The following IL1RAPL1 variants were observed in gnomAD, a reference collection of about 807,000 sequenced individuals.
The protein encoded by IL1RAPL1 is interleukin-1 receptor accessory protein-like 1.
A neutral mutation model predicts 48.4 loss-of-function variants in IL1RAPL1; 3 were observed. That is an observed-to-expected ratio of 0.06 (90% CI 0.03 to 0.16). The LOEUF (loss-of-function observed/expected upper bound fraction) is 0.16, where lower values mean the gene tolerates loss of function less well. IL1RAPL1 is among the 10% of genes least tolerant of loss of function. The pLI is 1.00. For synonymous variants in IL1RAPL1, 185 were observed against 187.7 expected (o/e 0.99, Z 0.12); for missense variants, 349 against 530.6 (o/e 0.66, Z 3.36).
In IL1RAPL1 at chrX:29,366,070, G is replaced by T. The variant is rs771499960; in HGVS notation, c.363-30188G>T. On this transcript the variant is annotated intron_variant, in intron 3 of 10. Coordinates refer to ENST00000378993, the MANE Select transcript of IL1RAPL1 (RefSeq NM_014271.4). ...CTCAAAAAAAAAAAAAAATAGAAAT[G>T]CAAGGAAGGATATTAATTAATCAAA... Among the ~76,000 whole-genome samples, 13 of 105,363 alleles carry T rather than the reference G, an allele frequency of 1.2e-4. No homozygotes were observed. In the East Asian group the frequency reaches 3.7e-3, roughly 30 times the overall value. The allele number at this position is 105,363 out of a possible 115,157, so 91.5% of individuals were successfully genotyped here.
intron 2 of IL1RAPL1, among the ~76,000 whole-genome samples, chrX:29,061,898 C>T (rs186164995): frequency 1.8e-5 from 2 of 112,338 alleles, no homozygotes; most frequent in African/African-American, 3.2e-5. Context: ...GAAATAAAAA[C>T]TTAACCTGTG....
At chrX:29,250,823 T>C (rs1931592346) in intron 2 of IL1RAPL1, among the ~76,000 whole-genome samples, 1 of 111,558 alleles carries the variant, frequency 9.0e-6, no homozygotes, top group Non-Finnish European at 1.9e-5. Context: ...TATTACAGAA[T>C]CGTAGGACTC....
At chrX:28,666,155 G>A (rs184735614) in intron 1 of IL1RAPL1, among the ~76,000 whole-genome samples, 92 of 111,680 alleles carry the variant, frequency 8.2e-4, no homozygotes, top group Admixed American at 7.8e-3. Flanking sequence ...CTCAGAAGTC[G>A]GAAGGCGATG....
chrX:29,270,532 A>G (rs5943635), intron 2 of IL1RAPL1, among the ~76,000 whole-genome samples: 6,806 of 112,046 alleles, frequency 0.061, 213 homozygotes, highest in Non-Finnish European at 0.091. Context: ...CTAAAAGAGT[A>G]TCTTGTCTGC....
chrX:29,557,845 A>C (rs772676935), intron 5 of IL1RAPL1, among the ~76,000 whole-genome samples: 2 of 110,891 alleles, frequency 1.8e-5, no homozygotes, highest in East Asian at 5.6e-4. Flanking sequence ...AAATGGCATG[A>C]TATCCTTTTT....
chrX:28,955,635 C>G (rs1296703453), intron 2 of IL1RAPL1, among the ~76,000 whole-genome samples: 1 of 107,632 alleles, frequency 9.3e-6, no homozygotes, highest in African/African-American at 3.4e-5. Context: ...TTCCATTGAT[C>G]TAGATCTCTG....
intron 6 of IL1RAPL1, among the ~76,000 whole-genome samples, chrX:29,696,746 A>C (rs750762599): frequency 9.1e-6 from 1 of 110,429 alleles, no homozygotes; most frequent in South Asian, 3.8e-4. Flanking sequence ...CATTTCCAGC[A>C]CTCTGACCCT....
chrX:28,592,626 T>C (rs1313148272), intron 1 of IL1RAPL1, among the ~76,000 whole-genome samples: 2 of 111,990 alleles, frequency 1.8e-5, no homozygotes, highest in Non-Finnish European at 3.8e-5. Flanking sequence ...TGTATGTTTT[T>C]CAGTGACTGA....
intron 6 of IL1RAPL1, among the ~76,000 whole-genome samples, chrX:29,692,389 C>T (rs1450631610): frequency 1.8e-5 from 2 of 111,765 alleles, no homozygotes; most frequent in Non-Finnish European, 3.8e-5. Flanking sequence ...GTGCTATCTG[C>T]CAGTTGTTTG....
intron 2 of IL1RAPL1, among the ~76,000 whole-genome samples, chrX:29,047,314 T>C (rs1342109660): frequency 2.7e-5 from 3 of 111,958 alleles, no homozygotes. Context: ...CAATATGATA[T>C]CATGCAACTG....
intron 1 of IL1RAPL1, among the ~76,000 whole-genome samples, chrX:28,687,166 C>G (rs968833652): frequency 7.2e-5 from 8 of 111,076 alleles, no homozygotes; most frequent in African/African-American, 2.6e-4. Context: ...AATTATTTGT[C>G]TACTAGCTAG....
chrX:29,359,979 G>C (rs1473618773), intron 3 of IL1RAPL1, among the ~76,000 whole-genome samples: 2 of 111,042 alleles, frequency 1.8e-5, no homozygotes, highest in Non-Finnish European at 3.8e-5. Flanking sequence ...TTCAAACCCA[G>C]ATCTGTGGGA....
Position 29,508,987 on chromosome X carries a change from T to C in IL1RAPL1, c.703+109679T>C, listed in dbSNP as rs779475178. Among the ~76,000 whole-genome samples, 12 of 112,425 alleles carry C rather than the reference T, an allele frequency of 1.1e-4. No homozygotes were observed. In the South Asian group the frequency reaches 3.7e-3, roughly 34 times the overall value. On this transcript the variant is annotated intron_variant, in intron 5 of 10. Transcript: ENST00000378993. The stretch of plus-strand genomic sequence containing the variant: ...TGTTACAATAACATTTACTAAGTAC[T>C]TGCAATACCACTTTATGCCAGTCAC...
At chrX:28,967,545 C>A (rs1413282472) in intron 2 of IL1RAPL1, among the ~76,000 whole-genome samples, 1 of 111,328 alleles carries the variant, frequency 9.0e-6, no homozygotes, top group Non-Finnish European at 1.9e-5. Flanking sequence ...CTCCCCCTAA[C>A]CCTTTACCTT....
At chrX:29,633,145 C>T (rs184844790) in intron 5 of IL1RAPL1, among the ~76,000 whole-genome samples, 2 of 110,891 alleles carry the variant, frequency 1.8e-5, no homozygotes, top group Non-Finnish European at 1.9e-5. Context: ...GATACATTCA[C>T]ATAATGGAAT....
chrX:28,807,393 G>A (rs1294398538), intron 2 of IL1RAPL1, among the ~76,000 whole-genome samples: 1 of 111,510 alleles, frequency 9.0e-6, no homozygotes, highest in Non-Finnish European at 1.9e-5. Context: ...GTACAGAATA[G>A]TATTTATCAC....
rs760811097 is a variant in IL1RAPL1, at chrX:29,368,815, C to T, written c.363-27443C>T. Among the ~76,000 whole-genome samples the T allele has an allele frequency of 4.6e-5, 5 of 109,647 alleles. No homozygotes were observed. The South Asian group carries it at 2.0e-3, about 43-fold the overall frequency. ...GGATTTTAGAGTGGTTGATATGCCA[C>T]TCCTCATTTTGCCTCTTGACTGTCT... On this transcript the variant is annotated intron_variant, in intron 3 of 10. Transcript: ENST00000378993.
chrX:28,605,434 A>G (rs1357473821), intron 1 of IL1RAPL1, among the ~76,000 whole-genome samples: 2 of 111,273 alleles, frequency 1.8e-5, no homozygotes, highest in Non-Finnish European at 3.8e-5. Flanking sequence ...CTCTCTCACA[A>G]ACCACATCCA....
At chrX:29,489,657 T>C (rs1000733233) in intron 5 of IL1RAPL1, among the ~76,000 whole-genome samples, 1 of 111,939 alleles carries the variant, frequency 8.9e-6, no homozygotes, top group African/African-American at 3.2e-5. Context: ...ATTACATCAT[T>C]ATAATGTTCT....
Sources: gnomAD v4.1 joint callset for allele counts (sites outside exome capture counted in the v4.1 genomes callset) on GRCh38, gnomAD v4.1.1 for gene constraint, MANE v1.5 for transcripts, NCBI Gene and HGNC (gene_info 2026-07-23, HGNC 2026-07-21) for gene names.